Variants in NAV3 observed in about 807,000 individuals in gnomAD.
NAV3 encodes pore membrane and/or filament interacting like protein 1.
In NAV3, 87 loss-of-function variants were observed where a neutral mutation model predicts 244.7. The observed-to-expected ratio is 0.36, with a 90% CI of 0.30 to 0.42. The LOEUF is 0.42. Among genes scored for constraint, NAV3 ranks in the 20% least tolerant of loss-of-function variants. NAV3 has a pLI of 1.00. For synonymous variants in NAV3, 1,126 were observed against 1,042.2 expected (o/e 1.08, Z -1.55); for missense variants, 2,663 against 2,893.3 (o/e 0.92, Z 1.83).
intron 3 of NAV3, among the ~76,000 whole-genome samples, chr12:77,964,800 A>C (rs1365258819): frequency 2.0e-5 from 3 of 148,914 alleles, no homozygotes; most frequent in African/African-American, 7.3e-5. Context: ...AATTAATATA[A>C]ATTTTTTTTT....
chr12:77,875,264 A>G (rs927153646), intron 1 of NAV3, among the ~76,000 whole-genome samples: 2 of 151,918 alleles, frequency 1.3e-5, no homozygotes, highest in African/African-American at 4.8e-5. Flanking sequence ...TTGTTTTTCT[A>G]CCTAACATTC....
At chr12:77,887,532 A>G (rs575499041) in intron 1 of NAV3, among the ~76,000 whole-genome samples, 5 of 152,256 alleles carry the variant, frequency 3.3e-5, no homozygotes, top group Admixed American at 6.5e-5. Flanking sequence ...CTAGATTATA[A>G]ACTACATGAT....
At chr12:77,706,181 A>C (rs1875790005) in intron 2 of NAV3, among the ~76,000 whole-genome samples, 1 of 151,432 alleles carries the variant, frequency 6.6e-6, no homozygotes, top group Non-Finnish European at 1.5e-5. Flanking sequence ...AAATTCAGGT[A>C]TACTTATCAC....
chr12:77,701,948 A>G (rs531621057), intron 2 of NAV3, among the ~76,000 whole-genome samples: 11 of 152,080 alleles, frequency 7.2e-5, no homozygotes, highest in African/African-American at 2.4e-4. Flanking sequence ...TATGCACTCT[A>G]TTGCTATTGG....
intron 8 of NAV3, among the ~76,000 whole-genome samples, chr12:78,019,795 C>A (rs1012233780): frequency 3.9e-5 from 6 of 152,036 alleles, no homozygotes; most frequent in Non-Finnish European, 5.9e-5. Context: ...CCCAACCATG[C>A]AAGACCTTGT....
At chr12:78,163,083 G>A (rs1360550187) in intron 23 of NAV3, among the ~76,000 whole-genome samples, 1 of 150,838 alleles carries the variant, frequency 6.6e-6, no homozygotes, top group East Asian at 1.9e-4. Flanking sequence ...AGTAACAAAG[G>A]CCAAGGTGGT....
intron 2 of NAV3, among the ~76,000 whole-genome samples, chr12:77,576,061 G>A (rs571134606): frequency 1.3e-5 from 2 of 152,122 alleles, no homozygotes; most frequent in East Asian, 3.9e-4. Flanking sequence ...CAGTTTGCCA[G>A]AGTTATTTTC....
At chr12:77,859,058 C>T (rs1039890231) in intron 1 of NAV3, among the ~76,000 whole-genome samples, 9 of 152,024 alleles carry the variant, frequency 5.9e-5, no homozygotes, top group Admixed American at 1.3e-4. Context: ...TAGATCCTCA[C>T]TCTTATTTTT....
chr12:77,867,010 CTT>C (rs1351709437), intron 1 of NAV3, among the ~76,000 whole-genome samples: 4 of 152,188 alleles, frequency 2.6e-5, no homozygotes, highest in African/African-American at 9.7e-5. Flanking sequence ...ACACTAAACA[CTT>C]TGGTAGACCC....
intron 2 of NAV3, among the ~76,000 whole-genome samples, chr12:77,801,597 G>T (rs1054303020): frequency 6.6e-6 from 1 of 152,018 alleles, no homozygotes; most frequent in Non-Finnish European, 1.5e-5. Flanking sequence ...TGGAACTTGG[G>T]ATATATTTTA....
At position 77,746,360 on chromosome 12, in the gene NAV3, A is replaced by C. The variant is rs1193474303; in HGVS notation, c.72+174094A>C. The stretch of plus-strand genomic sequence containing the variant: ...AACACTAGTGGGAAATCCCCATCAG[A>C]AGTCAACACAGACAAGCTGCACCTG... On this transcript the variant is annotated intron_variant, in intron 2 of 8. Coordinates refer to the NAV3 transcript ENST00000550042. 3.3e-5 allele frequency among the ~76,000 whole-genome samples: 5 copies of C among 152,128 alleles called. No individual in the cohort carries two copies. In the South Asian group the frequency reaches 6.2e-4, roughly 19 times the overall value.
At chr12:77,720,727 C>A (rs936064766) in intron 2 of NAV3, among the ~76,000 whole-genome samples, 2 of 152,212 alleles carry the variant, frequency 1.3e-5, no homozygotes, top group Admixed American at 1.3e-4. Context: ...CCAGGGAGTA[C>A]AACACGTTTT....
At chr12:77,945,603 CTAAA>C (rs1890261087) in intron 3 of NAV3, among the ~76,000 whole-genome samples, 1 of 151,734 alleles carries the variant, frequency 6.6e-6, no homozygotes, top group Admixed American at 6.6e-5. Flanking sequence ...ATCAAATATA[CTAAA>C]TAATTTCAAA....
At chr12:77,955,409 C>T (rs1891273755) in intron 3 of NAV3, among the ~76,000 whole-genome samples, 1 of 152,154 alleles carries the variant, frequency 6.6e-6, no homozygotes, top group Non-Finnish European at 1.5e-5. Context: ...GGAACATGGG[C>T]TCTGAGTGAC....
At chr12:77,873,732 ATATG>A (rs1430703237) in intron 1 of NAV3, among the ~76,000 whole-genome samples, 1 of 75,962 alleles carries the variant, frequency 1.3e-5, no homozygotes, top group Non-Finnish European at 3.0e-5. Context: ...ATCTAAATAC[ATATG>A]TGTGTGTGTA....
rs34469964 is a variant in NAV3, at chr12:78,180,907, T to C, written c.5554T>C (p.Leu1852=). ...AATACTGAAAGCTGAAAATGACCGG[T>C]TGAAGGCAGAAACTGGTAACACAGC... ...IEILKAENDR[L]KAETGNTAKP... The change falls in exon 30 of 40, where the codon TTG becomes CTG. Residue 1852 remains leucine, a synonymous_variant. Coordinates refer to ENST00000397909, the MANE Select transcript of NAV3 (RefSeq NM_001024383.2). The C allele has an allele frequency of 9.2e-4, 1,480 of 1,612,920 alleles. 15 individuals carry two copies. The African/African-American group carries it at 0.018, about 20-fold the overall frequency.
chr12:77,828,191 G>T (rs905342338), upstream of NAV3, among the ~76,000 whole-genome samples: 3 of 152,168 alleles, frequency 2.0e-5, no homozygotes, highest in Non-Finnish European at 2.9e-5. Flanking sequence ...TATCATGAGA[G>T]TATAATCCGT....
intron 2 of NAV3, among the ~76,000 whole-genome samples, chr12:77,800,970 G>T (rs1052418621): frequency 3.9e-5 from 6 of 151,956 alleles, no homozygotes; most frequent in Non-Finnish European, 8.8e-5. Flanking sequence ...AGTAATTAGG[G>T]AAAAATATCA....
intron 1 of NAV3, among the ~76,000 whole-genome samples, chr12:77,854,372 C>T (rs1316739214): frequency 6.6e-6 from 1 of 152,102 alleles, no homozygotes; most frequent in African/African-American, 2.4e-5. Context: ...TGCATAAATC[C>T]CCTAAATCGT....
Sources: allele counts gnomAD v4.1 joint callset (sites outside exome capture counted in the v4.1 genomes callset), GRCh38; gene constraint gnomAD v4.1.1; transcripts MANE v1.5; gene names NCBI Gene and HGNC (gene_info 2026-07-23, HGNC 2026-07-21).